TRAK1: variants seen among roughly 807,000 people sequenced by gnomAD.
TRAK1 encodes trafficking kinesin protein 1, also known as trafficking kinesin-binding protein 1.
A neutral mutation model predicts 92.1 loss-of-function variants in TRAK1; 33 were observed. The ratio of observed to expected loss-of-function variants is 0.36; its 90% CI spans 0.27 to 0.48. TRAK1 has a LOEUF of 0.48. Among genes scored for constraint, TRAK1 ranks in the 20% least tolerant of loss-of-function variants. The pLI is 0.99. For missense variants in TRAK1, 1,123 were observed against 1,257.9 expected, an observed-to-expected ratio of 0.89 and a Z score of 1.62; for synonymous variants, 521 against 517.3, an observed-to-expected ratio of 1.01 and a Z score of -0.10.
At chr3:42,038,894 G>A (rs995882505) in intron 1 of TRAK1, among the ~76,000 whole-genome samples, 1 of 136,560 alleles carries the variant, frequency 7.3e-6, no homozygotes, top group Non-Finnish European at 1.5e-5. Flanking sequence ...TTCCTGCCTT[G>A]GCCTCCCGAA....
chr3:42,022,294 A>G (rs985970766), intron 1 of TRAK1, among the ~76,000 whole-genome samples: 1 of 152,234 alleles, frequency 6.6e-6, no homozygotes. Flanking sequence ...TATTTGAGAA[A>G]ACAAGCAGAT....
chr3:42,095,695 T>C (rs7355901), intron 1 of TRAK1, among the ~76,000 whole-genome samples: 6,088 of 149,154 alleles, frequency 0.041, 419 homozygotes, highest in African/African-American at 0.14. Context: ...CGACATGATA[T>C]CCCATTGTTT....
intron 6 of TRAK1, among the ~76,000 whole-genome samples, chr3:42,190,489 G>T (rs946876319): frequency 1.3e-5 from 2 of 152,102 alleles, no homozygotes; most frequent in African/African-American, 4.8e-5. Flanking sequence ...TCCTCTGCCA[G>T]CCAGTTGCTG....
intron 13 of TRAK1, 135 bp from the exon 14 acceptor site, chr3:42,209,632 G>C: frequency 1.2e-6 from 1 of 835,628 alleles, no homozygotes; most frequent in Non-Finnish European, 1.8e-6. Flanking sequence ...TCCCGCTGCA[G>C]TCCACCTGGA....
chr3:42,073,594 T>C (rs527916124), intron 1 of TRAK1, among the ~76,000 whole-genome samples: 2 of 152,326 alleles, frequency 1.3e-5, no homozygotes, highest in South Asian at 4.1e-4. Flanking sequence ...TGAAAGCCCA[T>C]TGTGAGGTGT....
chr3:42,059,691 A>G (rs1210138518), intron 1 of TRAK1, among the ~76,000 whole-genome samples: 1 of 152,216 alleles, frequency 6.6e-6, no homozygotes, highest in African/African-American at 2.4e-5. Context: ...AAAATTTAAA[A>G]GTGACTTATT....
In TRAK1 at chr3:42,076,961, G is replaced by A. The variant is rs1484005070; in HGVS notation, c.-518-10143G>A. 2.6e-5 allele frequency among the ~76,000 whole-genome samples: 4 copies of A among 152,166 alleles called. No individual in the cohort carries two copies. In the East Asian group the frequency reaches 7.7e-4, roughly 29 times the overall value. ...GTTGTAGATGTGCAGCTTTACTTCT[G>A]GGCTCTGTAACCTGTTCCATTGATT... On this transcript the variant is annotated intron_variant, in intron 1 of 16. Coordinates refer to the TRAK1 transcript ENST00000487159.
chr3:42,110,432 G>T (rs1708231573), intron 1 of TRAK1, among the ~76,000 whole-genome samples: 1 of 152,074 alleles, frequency 6.6e-6, no homozygotes, highest in Non-Finnish European at 1.5e-5. Context: ...TCTGGGGATG[G>T]AGTCCTACAC....
chr3:42,084,137 T>A (rs1490960617), upstream of TRAK1, among the ~76,000 whole-genome samples: 1 of 152,204 alleles, frequency 6.6e-6, no homozygotes, highest in Non-Finnish European at 1.5e-5. Flanking sequence ...ATTAATGTTT[T>A]TATATACTTT....
At position 42,041,159 on chromosome 3, in the gene TRAK1, G is replaced by A. The variant is rs79955277; in HGVS notation, c.-519+27042G>A. Among the ~76,000 whole-genome samples the A allele has an allele frequency of 5.7e-3, 852 of 150,680 alleles. 6 individuals are homozygous for A. Among genetic ancestry groups the A allele is most frequent in the African/African-American group, 0.02 (814 of 41,174 alleles). On this transcript the variant is annotated intron_variant, in intron 1 of 16. Coordinates refer to the TRAK1 transcript ENST00000487159. ...TGCTTAAAAAAAAAAAAAAACGGCTGGGATTTTGGTAGGAGTTGCATTGAA... is the reference window on the plus strand; with the variant it reads ...TGCTTAAAAAAAAAAAAAAACGGCTAGGATTTTGGTAGGAGTTGCATTGAA...
intron 1 of TRAK1, among the ~76,000 whole-genome samples, chr3:42,066,371 G>T (rs1056665838): frequency 3.3e-5 from 5 of 152,158 alleles, no homozygotes; most frequent in Admixed American, 3.3e-4. Flanking sequence ...TCTGAAGTGT[G>T]TTAGAACCCC....
chr3:42,132,666 C>T (rs994131300), intron 2 of TRAK1, among the ~76,000 whole-genome samples: 18 of 152,056 alleles, frequency 1.2e-4, no homozygotes, highest in African/African-American at 2.4e-4. Flanking sequence ...CAGGCCCCAC[C>T]GTCAGGCATA....
chr3:42,109,908 C>T (rs1219995074), intron 1 of TRAK1, among the ~76,000 whole-genome samples: 1 of 151,106 alleles, frequency 6.6e-6, no homozygotes, highest in African/African-American at 2.4e-5. Flanking sequence ...ACTGTGAGAA[C>T]ACTTGGACAC....
chr3:42,224,032 G>A lies in TRAK1; in HGVS notation c.*295G>A. 3.5e-6 allele frequency: 2 copies of A among 578,504 alleles called. No homozygotes were observed. Among genetic ancestry groups the A allele is most frequent in the Non-Finnish European group, 3.3e-6 (1 of 306,490 alleles). The allele number at this position is 578,504 out of a possible 1,614,324, so 35.8% of individuals were successfully genotyped here. A position where few individuals can be genotyped will look rare whatever the true frequency, so the allele number is the denominator to read the frequency against. ...GTCACCTGTGCTAACCTGGGGGAAG[G>A]TGGGGTCCTTTCTTCTTTCCTTTTG... On this transcript the variant is annotated 3_prime_UTR_variant, in exon 16 of 16. Coordinates refer to ENST00000327628, the MANE Select transcript of TRAK1 (RefSeq NM_001042646.3).
chr3:42,150,944 A>C (rs749071419), intron 2 of TRAK1, among the ~76,000 whole-genome samples: 1 of 152,198 alleles, frequency 6.6e-6, no homozygotes, highest in Non-Finnish European at 1.5e-5. Flanking sequence ...TCTGTTACCT[A>C]ACTCCAAAAG....
At chr3:42,181,570 G>A (rs1279335168) in intron 3 of TRAK1, among the ~76,000 whole-genome samples, 1 of 152,142 alleles carries the variant, frequency 6.6e-6, no homozygotes, top group Non-Finnish European at 1.5e-5. Flanking sequence ...TGTGGCGAAG[G>A]CATGCAAAAT....
At chr3:42,219,709 A>G (rs1019338048) in intron 15 of TRAK1, 113 bp downstream of exon 15, 43 of 1,198,718 alleles carry the variant, frequency 3.6e-5, no homozygotes, top group South Asian at 2.6e-4. Context: ...AGAAAAACCA[A>G]CTGAAGCCAG....
chr3:42,065,874 C>G (rs1009712975), intron 1 of TRAK1, among the ~76,000 whole-genome samples: 3 of 152,178 alleles, frequency 2.0e-5, no homozygotes, highest in Non-Finnish European at 4.4e-5. Context: ...AAGTGATCCA[C>G]TCGCCTCAAC....
At chr3:42,183,269 C>T (rs55891348) in intron 3 of TRAK1, among the ~76,000 whole-genome samples, 24 of 152,230 alleles carry the variant, frequency 1.6e-4, no homozygotes, top group Non-Finnish European at 2.6e-4. Flanking sequence ...AAAAATGAAT[C>T]TGTTGGCCTG....
Sources: gnomAD v4.1 joint callset for allele counts (sites outside exome capture counted in the v4.1 genomes callset) on GRCh38, gnomAD v4.1.1 for gene constraint, MANE v1.5 for transcripts, NCBI Gene and HGNC (gene_info 2026-07-23, HGNC 2026-07-21) for gene names.